Variants in SLC15A5 observed in about 807,000 individuals in gnomAD.
SLC15A5 encodes Peptide/histidine transporter ENSP00000340402.
A neutral mutation model predicts 56.1 loss-of-function variants in SLC15A5; 58 were observed. That is an observed-to-expected ratio of 1.03 (90% CI 0.84 to 1.29). The LOEUF is 1.29. Ranked by LOEUF, SLC15A5 falls within the 50% of genes most tolerant of loss-of-function variation. The pLI, the probability that SLC15A5 is intolerant of heterozygous loss-of-function variation, is 0.00. For synonymous variants in SLC15A5, 264 were observed against 250.5 expected (o/e 1.05, Z -0.51); for missense variants, 681 against 672.1 (o/e 1.01, Z -0.15).
Position 16,267,514 on chromosome 12 carries a change from C to T in SLC15A5, c.584+5047G>A, listed in dbSNP as rs189003592. The stretch of plus-strand genomic sequence containing the variant: ...TTTTTTCCAGCAGAGCTGTTAAAGA[C>T]AATTTAATAAAATATTGATTTTGGT... On this transcript the variant is annotated intron_variant, in intron 2 of 8. Coordinates refer to ENST00000344941, the MANE Select transcript of SLC15A5 (RefSeq NM_001170798.1). 3.8e-4 allele frequency among the ~76,000 whole-genome samples: 44 copies of T among 114,802 alleles called. 6 individuals carry two copies. In the Admixed American group the frequency reaches 3.9e-3, roughly 10 times the overall value. 75.3% of individuals were successfully genotyped at this position (114,802 alleles called of 152,430 possible).
intron 6 of SLC15A5, among the ~76,000 whole-genome samples, chr12:16,222,189 C>G (rs1485223045): frequency 2.0e-5 from 3 of 152,076 alleles, no homozygotes; most frequent in Non-Finnish European, 4.4e-5. Flanking sequence ...TCCACTTAGT[C>G]CTTTGAACAA....
At chr12:16,239,931 C>A in intron 4 of SLC15A5, 64 bp from the exon 5 acceptor site, 1 of 1,385,382 alleles carries the variant, frequency 7.2e-7, no homozygotes, top group South Asian at 1.4e-5. Context: ...AAAGCATCGT[C>A]CACCAGAGGC....
intron 7 of SLC15A5, among the ~76,000 whole-genome samples, chr12:16,194,761 G>T (rs973752864): frequency 4.6e-5 from 7 of 152,012 alleles, no homozygotes; most frequent in African/African-American, 1.7e-4. Context: ...AGCCATGTGT[G>T]TATCTTATTT....
chr12:16,229,683 C>CACAA (rs777371733), intron 5 of SLC15A5, among the ~76,000 whole-genome samples: 2 of 147,278 alleles, frequency 1.4e-5, no homozygotes, highest in Non-Finnish European at 3.0e-5. Context: ...CACACACACA[C>CACAA]AATCTTAAAT....
chr12:16,205,610 CATATATATACACATAT>C (rs1366430264), intron 7 of SLC15A5, among the ~76,000 whole-genome samples: 2 of 105,740 alleles, frequency 1.9e-5, no homozygotes, highest in East Asian at 5.8e-4. Flanking sequence ...CACACACACA[CATATATATACACATAT>C]ATATATACAC....
intron 6 of SLC15A5, among the ~76,000 whole-genome samples, chr12:16,219,590 C>T (rs1864166451): frequency 6.6e-6 from 1 of 152,128 alleles, no homozygotes; most frequent in Admixed American, 6.6e-5. Flanking sequence ...ACACACTTTG[C>T]CAGCTCTCTG....
At chr12:16,266,752 T>A (rs2136818550) in intron 2 of SLC15A5, among the ~76,000 whole-genome samples, 1 of 152,246 alleles carries the variant, frequency 6.6e-6, no homozygotes, top group Admixed American at 6.5e-5. Context: ...ATAAAGCACC[T>A]CTCACACAAA....
At chr12:16,228,736 A>G (rs1864267434) in intron 5 of SLC15A5, among the ~76,000 whole-genome samples, 1 of 152,152 alleles carries the variant, frequency 6.6e-6, no homozygotes. Flanking sequence ...CAGAGTAAAT[A>G]TATTTTCTCT....
At chr12:16,239,643 T>G (rs1242901727) in intron 5 of SLC15A5, 38 bp downstream of exon 5, 1 of 1,519,518 alleles carries the variant, frequency 6.6e-7, no homozygotes, top group Non-Finnish European at 8.8e-7. Flanking sequence ...TTAAAAAAGT[T>G]TCAAACGATT....
chr12:16,263,124 C>A (rs933302947), intron 2 of SLC15A5, among the ~76,000 whole-genome samples: 2 of 152,080 alleles, frequency 1.3e-5, no homozygotes, highest in African/African-American at 4.8e-5. Flanking sequence ...GCTCAGAAGA[C>A]AGGAAAATGT....
chr12:16,208,373 G>A (rs1261931094), intron 7 of SLC15A5, among the ~76,000 whole-genome samples: 1 of 152,102 alleles, frequency 6.6e-6, no homozygotes, highest in Non-Finnish European at 1.5e-5. Flanking sequence ...ACACTCAAAT[G>A]TCTCTCAGAA....
At chr12:16,191,434 C>G (rs1465082353) in intron 8 of SLC15A5, among the ~76,000 whole-genome samples, 1 of 151,936 alleles carries the variant, frequency 6.6e-6, no homozygotes, top group Admixed American at 6.6e-5. Context: ...GTTGGGACTG[C>G]CTTGTTCTTG....
At chr12:16,263,878 A>G (rs967927327) in intron 2 of SLC15A5, among the ~76,000 whole-genome samples, 33 of 152,226 alleles carry the variant, frequency 2.2e-4, no homozygotes, top group Non-Finnish European at 5.9e-5. Flanking sequence ...ACCTCCACCT[A>G]GGTTTCAGAA....
At chr12:16,222,237 G>T (rs1864194809) in intron 6 of SLC15A5, among the ~76,000 whole-genome samples, 1 of 152,114 alleles carries the variant, frequency 6.6e-6, no homozygotes, top group South Asian at 2.1e-4. Flanking sequence ...GCCCAGAAAT[G>T]AGGAATAATT....
chr12:16,243,288 G>A lies in SLC15A5; in HGVS notation c.975+1292C>T, dbSNP rs568424444. On this transcript the variant is annotated intron_variant, in intron 4 of 8. Transcript: ENST00000344941. This position sits in a 1 kb window ranked among gnomAD's most constrained non-coding sequence, Gnocchi z 4.4. Reference sequence around the variant, plus strand: ...TACAATGGCATGATCTCTGCTCACCGCAACCTCCGCCTCCTGGGTTCAAGC... The same window carrying A: ...TACAATGGCATGATCTCTGCTCACCACAACCTCCGCCTCCTGGGTTCAAGC... 7.4e-5 allele frequency among the ~76,000 whole-genome samples: 11 copies of A among 149,404 alleles called. No homozygotes were observed. Among genetic ancestry groups the A allele is most frequent in the African/African-American group, 2.5e-4 (10 of 40,564 alleles).
chr12:16,241,316 C>T lies in SLC15A5; in HGVS notation c.976-1449G>A, dbSNP rs1484809532. ...CTCAAATATCCAGATGATAACTTCT[C>T]ATTTGAAACATTTGCTAACCCCTTC... On this transcript the variant is annotated intron_variant, in intron 4 of 8. Coordinates refer to ENST00000344941, the MANE Select transcript of SLC15A5 (RefSeq NM_001170798.1). Among the ~76,000 whole-genome samples the T allele has an allele frequency of 3.3e-5, 5 of 152,170 alleles. No homozygotes were observed. The East Asian group carries it at 7.7e-4, about 23-fold the overall frequency.
At chr12:16,264,381 C>T (rs1864672360) in intron 2 of SLC15A5, among the ~76,000 whole-genome samples, 1 of 152,174 alleles carries the variant, frequency 6.6e-6, no homozygotes, top group East Asian at 1.9e-4. Context: ...TACCTGTACC[C>T]CCATTATATC....
intron 7 of SLC15A5, among the ~76,000 whole-genome samples, chr12:16,205,590 T>TATATATACAC (rs775209178): frequency 3.5e-5 from 2 of 57,150 alleles, no homozygotes; most frequent in African/African-American, 1.3e-4. Context: ...CATATATATA[T>TATATATACAC]ACATATACAC....
chr12:16,277,463 G>A lies in SLC15A5; in HGVS notation c.223C>T (p.His75Tyr). The change falls in exon 1 of 9, where the codon CAC becomes TAC. Residue 75 changes from histidine to tyrosine, a missense_variant. His to Tyr is a moderately conservative substitution (Grantham distance 83). Coordinates refer to ENST00000344941, the MANE Select transcript of SLC15A5 (RefSeq NM_001170798.1). ...IPFCTIKLGY[H>Y]NCQAAILNLC... is the part of the protein sequence containing the mutation. ...TTTAAGATGGCTGCTTGGCAATTGTGATAGCCAAGCTTGATAGTGCAAAAG... is the reference window on the plus strand; with the variant it reads ...TTTAAGATGGCTGCTTGGCAATTGTAATAGCCAAGCTTGATAGTGCAAAAG... 1 of 1,536,518 alleles carries A rather than the reference G, an allele frequency of 6.5e-7. No individual in the cohort carries two copies. The highest frequency in any genetic ancestry group is 8.7e-7 in the Non-Finnish European group (1 of 1,146,416).
Sources: allele counts gnomAD v4.1 joint callset (sites outside exome capture counted in the v4.1 genomes callset), GRCh38; gene constraint gnomAD v4.1.1; non-coding constraint Gnocchi (gnomAD v3.1); transcripts MANE v1.5; gene names NCBI Gene and HGNC (gene_info 2026-07-23, HGNC 2026-07-21).